Variants in ERG observed in about 807,000 individuals in gnomAD.
ERG encodes the protein ETS transcription factor ERG.
A neutral mutation model predicts 55.3 loss-of-function variants in ERG; 9 were observed. The ratio of observed to expected loss-of-function variants is 0.16; its 90% CI spans 0.10 to 0.28. The LOEUF (loss-of-function observed/expected upper bound fraction) is 0.28, where lower values mean the gene tolerates loss of function less well. ERG is among the 10% of genes least tolerant of loss of function. ERG has a pLI of 1.00. For synonymous variants in ERG, 223 were observed against 237.3 expected (o/e 0.94, Z 0.55); for missense variants, 434 against 631.6 (o/e 0.69, Z 3.35).
chr21:38,582,285 T>C (rs62217466), intron 1 of ERG, among the ~76,000 whole-genome samples: 3,652 of 152,300 alleles, frequency 0.024, 62 homozygotes, highest in Non-Finnish European at 0.037. Flanking sequence ...CCAATACTTG[T>C]AACTGGCATC....
rs181648744 is a variant in ERG at position 38,539,747 on chromosome 21, C to T, written c.-41+35915G>A. 4.6e-5 allele frequency among the ~76,000 whole-genome samples: 7 copies of T among 152,090 alleles called. 1 individual carries two copies. The highest frequency in any genetic ancestry group is 1.7e-4 in the African/African-American group (7 of 41,516). ...CTCCTATATGTGCATAGACGAGGAG[C>T]GGCTCTCAGGGACTGACCGTAAGCA... On this transcript the variant is annotated intron_variant, in intron 2 of 8. Transcript: ENST00000398897.
exon 2 of ERG, chr21:38,575,679 G>C: frequency 1.9e-6 from 3 of 1,613,950 alleles, no homozygotes; most frequent in Non-Finnish European, 2.5e-6. Flanking sequence ...TGAGCTGCTG[G>C]GTCCGGGACA....
chr21:38,394,467 C>T (rs942012057), intron 6 of ERG, among the ~76,000 whole-genome samples: 13 of 152,098 alleles, frequency 8.5e-5, no homozygotes, highest in Admixed American at 7.2e-4. Flanking sequence ...ATTCTCCTGC[C>T]TCAGCCTCCT....
At chr21:38,486,106 T>C (rs189206825) in intron 1 of ERG, among the ~76,000 whole-genome samples, 5 of 151,574 alleles carry the variant, frequency 3.3e-5, no homozygotes, top group Non-Finnish European at 7.4e-5. Flanking sequence ...GCTAATTTTT[T>C]ATATTTTTAG....
intron 2 of ERG, among the ~76,000 whole-genome samples, chr21:38,529,637 T>C (rs927585074): frequency 2.0e-5 from 3 of 152,170 alleles, no homozygotes; most frequent in Non-Finnish European, 4.4e-5. Context: ...AAATATCTAA[T>C]GTTCTGATTT....
chr21:38,438,548 A>G (rs576875568), intron 2 of ERG, among the ~76,000 whole-genome samples: 1 of 152,212 alleles, frequency 6.6e-6, no homozygotes, highest in African/African-American at 2.4e-5. Flanking sequence ...AACATCTATA[A>G]AACATCCTGC....
intron 9 of ERG, among the ~76,000 whole-genome samples, chr21:38,389,747 AC>A (rs1376647890): frequency 6.6e-6 from 1 of 151,860 alleles, no homozygotes; most frequent in Non-Finnish European, 1.5e-5. Flanking sequence ...GAGCTAAAGG[AC>A]TATATCTCAT....
upstream of ERG, among the ~76,000 whole-genome samples, chr21:38,586,305 G>A (rs988134096): frequency 2.0e-5 from 3 of 149,410 alleles, no homozygotes; most frequent in Non-Finnish European, 4.4e-5. Flanking sequence ...TTTGTGGTGC[G>A]AACACTTGAA....
intron 2 of ERG, among the ~76,000 whole-genome samples, chr21:38,533,792 T>C (rs1231916904): frequency 6.6e-6 from 1 of 152,218 alleles, no homozygotes; most frequent in Admixed American, 6.5e-5. Context: ...CATAACTCAT[T>C]GCATATACCT....
chr21:38,604,423 A>G (rs952152722), intron 1 of ERG, among the ~76,000 whole-genome samples: 2 of 152,218 alleles, frequency 1.3e-5, no homozygotes, highest in African/African-American at 4.8e-5. Flanking sequence ...AAAAAATAAT[A>G]CACAAATGTA....
chr21:38,421,616 G>C (rs1989544388), intron 3 of ERG, among the ~76,000 whole-genome samples: 1 of 152,200 alleles, frequency 6.6e-6, no homozygotes, highest in Non-Finnish European at 1.5e-5. Flanking sequence ...CCAGGAGCAA[G>C]GGAGAATTGA....
intron 2 of ERG, among the ~76,000 whole-genome samples, chr21:38,428,912 T>C (rs1447398891): frequency 1.3e-5 from 2 of 152,192 alleles, no homozygotes; most frequent in Non-Finnish European, 2.9e-5. Flanking sequence ...TAAATAGTTT[T>C]GGGGGAACAG....
chr21:38,451,029 T>C (rs944123007), intron 1 of ERG: 1 of 432,488 alleles, frequency 2.3e-6, no homozygotes, highest in African/African-American at 2.0e-5. Flanking sequence ...ACTACCTGGC[T>C]GTTACTGGAA....
At chr21:38,416,680 C>G (rs771293093) in intron 3 of ERG, among the ~76,000 whole-genome samples, 1 of 152,166 alleles carries the variant, frequency 6.6e-6, no homozygotes, top group African/African-American at 2.4e-5. Flanking sequence ...TATATACATG[C>G]ATTTGAGAAT....
rs139421264 is a variant in ERG at position 38,554,411 on chromosome 21, A to G, written c.-41+21251T>C. On this transcript the variant is annotated intron_variant, in intron 2 of 8. Transcript: ENST00000398897. ...TTATTCACAATAGCAAAGACATAGA[A>G]CCAATCTAGAAGTCCATCAGTGGTG... Among the ~76,000 whole-genome samples, 4 of 152,310 alleles carry G rather than the reference A, an allele frequency of 2.6e-5. No homozygotes were observed. In the East Asian group the frequency reaches 7.7e-4, roughly 29 times the overall value.
intron 1 of ERG, among the ~76,000 whole-genome samples, chr21:38,614,293 C>T (rs752678691): frequency 1.3e-5 from 2 of 152,176 alleles, no homozygotes; most frequent in Non-Finnish European, 2.9e-5. Flanking sequence ...ACATTCTCCC[C>T]TTGTTCTTAC....
rs28883390 is a variant in ERG, at chr21:38,429,487, G to T, written c.237-5926C>A. Among the ~76,000 whole-genome samples the T allele has an allele frequency of 8.2e-5, 2 of 24,368 alleles. 1 individual carries two copies. Among genetic ancestry groups the T allele is most frequent in the Admixed American group, 7.3e-4 (2 of 2,752 alleles). 16.0% of individuals were successfully genotyped at this position (24,368 alleles called of 152,430 possible). A position where few individuals can be genotyped will look rare whatever the true frequency, so the allele number is the denominator to read the frequency against. ...TACACATATGTGTATATACATGTAT[G>T]CACATGTACATATATACATATGTGT... On this transcript the variant is annotated intron_variant, in intron 2 of 9. Transcript: ENST00000288319.
At chr21:38,573,191 G>A (rs1389510744) in intron 2 of ERG, among the ~76,000 whole-genome samples, 4 of 152,346 alleles carry the variant, frequency 2.6e-5, no homozygotes, top group East Asian at 1.9e-4. Context: ...AAAGCCGCAG[G>A]GACCTCTGCC....
At chr21:38,575,683 C>T (rs1374697172) in exon 2 of ERG, 63 of 1,613,660 alleles carry the variant, frequency 3.9e-5, no homozygotes, top group Non-Finnish European at 4.7e-5. Flanking sequence ...CTGCTGGGTC[C>T]GGGACAGTCT....
Sources: allele counts gnomAD v4.1 joint callset (sites outside exome capture counted in the v4.1 genomes callset), GRCh38; gene constraint gnomAD v4.1.1; transcripts MANE v1.5; gene names NCBI Gene and HGNC (gene_info 2026-07-23, HGNC 2026-07-21).